The following PCDHGB4 variants were observed in gnomAD, a reference collection of about 807,000 sequenced individuals.
The protein encoded by PCDHGB4 is protocadherin gamma subfamily B, 4.
Under a neutral mutation model 60.5 loss-of-function variants are expected in PCDHGB4, and 38 were observed. That is an observed-to-expected ratio of 0.63 (90% CI 0.48 to 0.82). The LOEUF (loss-of-function observed/expected upper bound fraction) is 0.82. PCDHGB4 is among the 40% of genes least tolerant of loss of function. The pLI is 0.00. For synonymous variants in PCDHGB4, 456 were observed against 509.7 expected, an observed-to-expected ratio of 0.89 and a Z score of 1.42; for missense variants, 1,109 against 1,209.6, an observed-to-expected ratio of 0.92 and a Z score of 1.23.
Position 141,485,875 on chromosome 5 carries a change from C to T in PCDHGB4, c.2398-8932C>T, listed in dbSNP as rs1254918181. The T allele has an allele frequency of 1.9e-6, 3 of 1,614,150 alleles. No homozygotes were observed. The highest frequency in any genetic ancestry group is 2.2e-5 in the East Asian group (1 of 44,862). On this transcript the variant is annotated intron_variant, in intron 1 of 3. Transcript: ENST00000519479. This position sits in a 1 kb window ranked among gnomAD's most constrained non-coding sequence, Gnocchi z 5.7. ...CAGAGCTCCGGGTATCCGTGCTGGACGTAAACGACAACGCCCCAGCCTTCC... is the reference window on the plus strand; with the variant it reads ...CAGAGCTCCGGGTATCCGTGCTGGATGTAAACGACAACGCCCCAGCCTTCC...
intron 1 of PCDHGB4, chr5:141,403,591 G>A (rs1377998886): frequency 2.5e-6 from 4 of 1,613,836 alleles, no homozygotes; most frequent in East Asian, 2.2e-5. Context: ...TGGTCCTCAC[G>A]GCCTCGGATG....
chr5:141,489,999 G>C lies in PCDHGB4; in HGVS notation c.2398-4808G>C, dbSNP rs772783990. Reference sequence around the variant, plus strand: ...CAGTTCTACGTGTGGGAATCCCAGAGAATGCACCCATTGGTACTCTGCTGC... The same window carrying C: ...CAGTTCTACGTGTGGGAATCCCAGACAATGCACCCATTGGTACTCTGCTGC... On this transcript the variant is annotated intron_variant, in intron 1 of 3. Coordinates refer to ENST00000519479, the MANE Select transcript of PCDHGB4 (RefSeq NM_003736.4). This position sits in a 1 kb window ranked among gnomAD's most constrained non-coding sequence, Gnocchi z 4.5. 6.2e-7 allele frequency: 1 copy of C among 1,614,242 alleles called. No individual in the cohort carries two copies. Among genetic ancestry groups the C allele is most frequent in the East Asian group, 2.2e-5 (1 of 44,886 alleles).
chr5:141,501,500 C>G (rs1385290676), intron 2 of PCDHGB4, among the ~76,000 whole-genome samples: 1 of 151,934 alleles, frequency 6.6e-6, no homozygotes, highest in Non-Finnish European at 1.5e-5. Context: ...GCTGCTGGGG[C>G]TCCAAGGCCT....
intron 1 of PCDHGB4, chr5:141,419,863 G>T (rs1416582920): frequency 6.2e-7 from 1 of 1,614,108 alleles, no homozygotes; most frequent in Non-Finnish European, 8.5e-7. Flanking sequence ...CAGATAGCTT[G>T]CAAGAGGTAC....
rs1289333371 is a variant in PCDHGB4, at chr5:141,460,404, G to C, written c.2398-34403G>C. Among the ~76,000 whole-genome samples, 21 of 152,038 alleles carry C rather than the reference G, an allele frequency of 1.4e-4. 1 individual carries two copies. The highest frequency in any genetic ancestry group is 1.4e-3 in the Admixed American group (21 of 15,256). Reference sequence around the variant, plus strand: ...TATAATTTGGTCTATGAATCCTTTTGAGTTGATGTTTATGTATGGTGTATG... The same window carrying C: ...TATAATTTGGTCTATGAATCCTTTTCAGTTGATGTTTATGTATGGTGTATG... On this transcript the variant is annotated intron_variant, in intron 1 of 3. Transcript: ENST00000519479.
intron 1 of PCDHGB4, among the ~76,000 whole-genome samples, chr5:141,455,519 G>T (rs1439363688): frequency 1.3e-5 from 2 of 152,158 alleles, no homozygotes; most frequent in East Asian, 3.9e-4. Flanking sequence ...TCAGGGGATT[G>T]GTTTGACCAG....
At chr5:141,464,746 T>G (rs1317670068) in intron 1 of PCDHGB4, among the ~76,000 whole-genome samples, 1 of 152,220 alleles carries the variant, frequency 6.6e-6, no homozygotes, top group Non-Finnish European at 1.5e-5. Context: ...TATATCTTTT[T>G]GTTTTTTTAG....
intron 1 of PCDHGB4, chr5:141,429,155 G>A (rs115622025): frequency 0.044 from 6,389 of 145,752 alleles, 216 homozygotes; most frequent in African/African-American, 0.099. Flanking sequence ...CACCCGGCCC[G>A]GAGACATTGT....
At chr5:141,417,875 G>C (rs2096176700) in intron 1 of PCDHGB4, 2 of 1,556,360 alleles carry the variant, frequency 1.3e-6, no homozygotes, top group Non-Finnish European at 1.7e-6. Context: ...AGGGAGCTGC[G>C]CGCAGAGGCG....
At chr5:141,394,060 C>T (rs1437765710) in intron 1 of PCDHGB4, 1 of 1,613,662 alleles carries the variant, frequency 6.2e-7, no homozygotes, top group Non-Finnish European at 8.5e-7. Context: ...GAAAATGTCT[C>T]TATCTACAAT....
At chr5:141,418,021 A>G (rs748774040) in intron 1 of PCDHGB4, 11 of 1,613,978 alleles carry the variant, frequency 6.8e-6, no homozygotes, top group African/African-American at 1.3e-5. Context: ...CTAAGGATCT[A>G]GGGCTTAGTG....
At chr5:141,403,314 T>C (rs1178188100) in intron 1 of PCDHGB4, 7 of 1,613,856 alleles carry the variant, frequency 4.3e-6, no homozygotes, top group Non-Finnish European at 5.1e-6. Flanking sequence ...GGAATAGAAA[T>C]AGAAGTAACT....
At chr5:141,427,570 C>A in intron 1 of PCDHGB4, 1 of 662,270 alleles carries the variant, frequency 1.5e-6, no homozygotes, top group Non-Finnish European at 2.8e-6. Flanking sequence ...GGCAAGCCTC[C>A]GCTCTCATCC....
chr5:141,503,608 A>AAAAAAAG (rs1483073868), intron 2 of PCDHGB4, among the ~76,000 whole-genome samples: 1 of 151,994 alleles, frequency 6.6e-6, no homozygotes, highest in East Asian at 1.9e-4. Flanking sequence ...CAAAAAAAAA[A>AAAAAAAG]AAAAAAGAAA....
At chr5:141,415,045 G>A (rs2095819214) in intron 1 of PCDHGB4, 23 of 1,613,538 alleles carry the variant, frequency 1.4e-5, no homozygotes, top group Non-Finnish European at 1.8e-5. Flanking sequence ...CTTCGCGGTG[G>A]GGGAGCACAC....
chr5:141,409,278 A>C, intron 1 of PCDHGB4: 1 of 1,614,022 alleles, frequency 6.2e-7, no homozygotes, highest in Non-Finnish European at 8.5e-7. Flanking sequence ...ATTTTGGAGA[A>C]TTCACCTCCA....
rs534356534 is a variant in PCDHGB4 at position 141,432,344 on chromosome 5, C to G, written c.2397+42063C>G. ...CGACTACGAGCAGTTCCGAGACTTG[C>G]AAGTGAAAGTGATGGCGCGGGACAA... is the stretch of plus-strand genomic sequence containing the variant. On this transcript the variant is annotated intron_variant, in intron 1 of 3. Coordinates refer to ENST00000519479, the MANE Select transcript of PCDHGB4 (RefSeq NM_003736.4). This position sits in a 1 kb window ranked among gnomAD's most constrained non-coding sequence, Gnocchi z 6.0. 1.9e-5 allele frequency: 30 copies of G among 1,614,238 alleles called. No individual in the cohort carries two copies. In the East Asian group the frequency reaches 2.5e-4, roughly 13 times the overall value.
chr5:141,468,598 G>A (rs1250884127), intron 1 of PCDHGB4: 1 of 152,228 alleles, frequency 6.6e-6, no homozygotes, highest in African/African-American at 2.4e-5. Context: ...TGGGCGCGGT[G>A]GCTCACGCCT....
Position 141,389,462 on chromosome 5 carries a change from C to G in PCDHGB4, c.1578C>G (p.Phe526Leu). 1 of 1,613,316 alleles carries G rather than the reference C, an allele frequency of 6.2e-7. No homozygotes were observed. Among genetic ancestry groups the G allele is most frequent in the East Asian group, 2.2e-5 (1 of 44,880 alleles). The part of the protein sequence containing the change: ...RAFDHEQLRA[F>L]ELTLQARDQG... ...TCGACCACGAGCAGCTGCGCGCCTTCGAACTCACACTGCAGGCCCGCGACC... is the reference window on the plus strand; with the variant it reads ...TCGACCACGAGCAGCTGCGCGCCTTGGAACTCACACTGCAGGCCCGCGACC... Residue 526 changes from phenylalanine (F) to leucine (L), a missense_variant, in exon 1 of 4, where the codon TTC (phenylalanine) becomes TTG (leucine). Physicochemically the swap from Phe to Leu is conservative, Grantham distance 22. Coordinates refer to ENST00000519479, the MANE Select transcript of PCDHGB4 (RefSeq NM_003736.4).
Sources: allele counts gnomAD v4.1 joint callset (sites outside exome capture counted in the v4.1 genomes callset), GRCh38; gene constraint gnomAD v4.1.1; non-coding constraint Gnocchi (gnomAD v3.1); transcripts MANE v1.5; gene names NCBI Gene and HGNC (gene_info 2026-07-23, HGNC 2026-07-21).